The following EPS15 variants were observed in gnomAD, a reference collection of about 807,000 sequenced individuals.
The protein encoded by EPS15 is epidermal growth factor receptor substrate 15.
In EPS15, 72 loss-of-function variants were observed where a neutral mutation model predicts 113.8. That is an observed-to-expected ratio of 0.63 (90% CI 0.52 to 0.77). The LOEUF is 0.77. Ranked by LOEUF, EPS15 falls within the 30% of genes least tolerant of loss-of-function variation. The pLI is 0.00. For missense variants in EPS15, 1,048 were observed against 1,045.8 expected (o/e 1.00, Z -0.03); for synonymous variants, 344 against 363.4 (o/e 0.95, Z 0.61).
At chr1:51,468,357 G>C in intron 5 of EPS15, 116 bp downstream of exon 5, 1 of 766,418 alleles carries the variant, frequency 1.3e-6, no homozygotes, top group Non-Finnish European at 2.2e-6. Flanking sequence ...AAGCCAAGTA[G>C]CTGAGTGAAA....
chr1:51,406,165 A>G lies in EPS15; in HGVS notation c.1474-57T>C, dbSNP rs532721180. On this transcript the variant is annotated intron_variant, in intron 15 of 24. Coordinates refer to ENST00000371733, the MANE Select transcript of EPS15 (RefSeq NM_001981.3). ...ATTTATTACTAGAAAGACATGTAAC[A>G]TAAAAACGCCCTCCTCCACTTCCTG... The G allele has an allele frequency of 5.3e-5, 77 of 1,465,554 alleles. 1 individual carries two copies. The South Asian group carries it at 8.9e-4, about 17-fold the overall frequency. 90.8% of individuals were successfully genotyped at this position (1,465,554 alleles called of 1,614,324 possible).
intron 8 of EPS15, 88 bp from the exon 9 acceptor site, chr1:51,448,223 G>A (rs777990204): frequency 8.3e-6 from 6 of 721,426 alleles, no homozygotes; most frequent in African/African-American, 5.4e-5. Flanking sequence ...ATAAATCATC[G>A]TCAGGCTCTC....
chr1:51,516,687 G>A (rs1034172771), intron 1 of EPS15, among the ~76,000 whole-genome samples: 4 of 152,098 alleles, frequency 2.6e-5, no homozygotes, highest in Non-Finnish European at 4.4e-5. Context: ...TTATAAACAC[G>A]ATAATCCCAG....
chr1:51,519,175 C>T, intron 1 of EPS15, 24 bp downstream of exon 1: 1 of 1,431,066 alleles, frequency 7.0e-7, no homozygotes, highest in Non-Finnish European at 9.2e-7. Context: ...CGGCCAAGCC[C>T]GGCGGACGGG....
At chr1:51,484,840 C>G (rs969436481) in intron 1 of EPS15, among the ~76,000 whole-genome samples, 1 of 152,214 alleles carries the variant, frequency 6.6e-6, no homozygotes, top group African/African-American at 2.4e-5. Flanking sequence ...ACTAGGCCAC[C>G]AGCTGGCTAT....
intron 21 of EPS15, among the ~76,000 whole-genome samples, chr1:51,368,649 G>A (rs1208686282): frequency 6.7e-6 from 1 of 150,136 alleles, no homozygotes; most frequent in Non-Finnish European, 1.5e-5. Context: ...CCAGGCTGGA[G>A]TGCAGTGGCA....
rs888141309 is a variant in EPS15, at chr1:51,355,385, T to G, written c.*1315A>C. The G allele has an allele frequency of 4.8e-6, 1 of 206,474 alleles. No homozygotes were observed. Among genetic ancestry groups the G allele is most frequent in the African/African-American group, 2.3e-5 (1 of 43,790 alleles). The allele number at this position is 206,474 out of a possible 1,614,324, so 12.8% of individuals were successfully genotyped here. ...TTATCTTGGTATTTAATACATCATC[T>G]AAGTCAGTAACCGTGTTAAACAAAA... On this transcript the variant is annotated 3_prime_UTR_variant, in exon 25 of 25. Coordinates refer to ENST00000371733, the MANE Select transcript of EPS15 (RefSeq NM_001981.3).
At chr1:51,475,443 T>C (rs1262664206) in intron 2 of EPS15, among the ~76,000 whole-genome samples, 6 of 152,210 alleles carry the variant, frequency 3.9e-5, no homozygotes, top group South Asian at 2.1e-4. Context: ...TGACAAGCAT[T>C]TTTTCACGTG....
intron 21 of EPS15, among the ~76,000 whole-genome samples, chr1:51,376,795 C>T (rs1646810786): frequency 6.6e-6 from 1 of 152,228 alleles, no homozygotes; most frequent in Non-Finnish European, 1.5e-5. Context: ...TCCATTCTTG[C>T]AGCCAGGCAG....
At chr1:51,481,895 T>G (rs1644026952) in intron 1 of EPS15, among the ~76,000 whole-genome samples, 1 of 152,190 alleles carries the variant, frequency 6.6e-6, no homozygotes, top group Admixed American at 6.5e-5. Context: ...ATCGACTGGG[T>G]GCAGTGGCTC....
At chr1:51,510,994 C>T (rs530504594) in intron 1 of EPS15, among the ~76,000 whole-genome samples, 6 of 150,672 alleles carry the variant, frequency 4.0e-5, no homozygotes, top group Admixed American at 2.0e-4. Context: ...GGTGAAACCC[C>T]GTCTCTACTA....
intron 13 of EPS15, among the ~76,000 whole-genome samples, chr1:51,412,394 G>T (rs532899606): frequency 6.6e-6 from 1 of 152,160 alleles, no homozygotes; most frequent in South Asian, 2.1e-4. Context: ...AAAAGAATTA[G>T]ATGTTCTCTT....
At chr1:51,405,478 CTT>C (rs1300918423) in intron 16 of EPS15, among the ~76,000 whole-genome samples, 2 of 152,170 alleles carry the variant, frequency 1.3e-5, no homozygotes, top group Non-Finnish European at 2.9e-5. Flanking sequence ...AGATGGGTCA[CTT>C]GAGGTCAGGA....
intron 23 of EPS15, among the ~76,000 whole-genome samples, chr1:51,361,572 G>A (rs2148344766): frequency 6.6e-6 from 1 of 152,244 alleles, no homozygotes; most frequent in East Asian, 1.9e-4. Context: ...TGCAGCTAAT[G>A]AAACAAATAG....
intron 23 of EPS15, among the ~76,000 whole-genome samples, chr1:51,361,853 GAGCA>G (rs1353862594): frequency 6.6e-6 from 1 of 152,098 alleles, no homozygotes; most frequent in Non-Finnish European, 1.5e-5. Flanking sequence ...CAATACCTAA[GAGCA>G]TAAAATTTTT....
At chr1:51,405,654 C>T (rs1163352564) in intron 16 of EPS15, among the ~76,000 whole-genome samples, 1 of 151,292 alleles carries the variant, frequency 6.6e-6, no homozygotes, top group Non-Finnish European at 1.5e-5. Context: ...GCCAAGATCG[C>T]ACCACTGCAC....
At chr1:51,431,007 CACACACACACACACACACACAA>C (rs905114528) in intron 12 of EPS15, among the ~76,000 whole-genome samples, 5 of 149,774 alleles carry the variant, frequency 3.3e-5, no homozygotes, top group Non-Finnish European at 7.4e-5. Context: ...CACACACACA[CACACACACACACACACACACAA>C]AAATAAAACT....
chr1:51,438,051 C>T (rs1156852087), intron 12 of EPS15, among the ~76,000 whole-genome samples: 2 of 152,078 alleles, frequency 1.3e-5, no homozygotes, highest in East Asian at 1.9e-4. Context: ...TGACCTAACA[C>T]AACTATTTAC....
intron 13 of EPS15, among the ~76,000 whole-genome samples, chr1:51,414,862 T>C (rs1650064222): frequency 6.6e-6 from 1 of 152,166 alleles, no homozygotes; most frequent in Admixed American, 6.5e-5. Context: ...CACAAATTAA[T>C]ATAAAGAAAT....
Sources: gnomAD v4.1 joint callset for allele counts (sites outside exome capture counted in the v4.1 genomes callset) on GRCh38, gnomAD v4.1.1 for gene constraint, MANE v1.5 for transcripts, NCBI Gene and HGNC (gene_info 2026-07-23, HGNC 2026-07-21) for gene names.